Variants in GNAL observed in about 807,000 individuals in gnomAD.
GNAL encodes guanine nucleotide-binding protein G(olf) subunit alpha.
Under a neutral mutation model 55.1 loss-of-function variants are expected in GNAL, and 18 were observed. The observed-to-expected ratio is 0.33, with a 90% CI of 0.23 to 0.48. The LOEUF (loss-of-function observed/expected upper bound fraction) is 0.48. Ranked by LOEUF, GNAL falls within the 20% of genes least tolerant of loss-of-function variation. The pLI is 0.99. For missense variants in GNAL, 412 were observed against 614.1 expected (o/e 0.67, Z 3.48); for synonymous variants, 253 against 237.0 (o/e 1.07, Z -0.62).
intron 5 of GNAL, among the ~76,000 whole-genome samples, chr18:11,839,212 C>G (rs2035560278): frequency 1.3e-5 from 2 of 152,054 alleles, no homozygotes; most frequent in South Asian, 4.1e-4. Context: ...TTTTTCTGCT[C>G]TCTCTACCAT....
chr18:11,737,769 G>A (rs563078014), intron 1 of GNAL, among the ~76,000 whole-genome samples: 69 of 152,352 alleles, frequency 4.5e-4, no homozygotes, highest in Admixed American at 2.0e-3. Context: ...CAGCCCAGAG[G>A]AAGGGAACCA....
In GNAL at chr18:11,689,679, C is replaced by A. The variant is rs1598394807; in HGVS notation, c.116C>A (p.Ala39Asp). The change falls in exon 1 of 12, where the codon GCC becomes GAC. Residue 39 changes from alanine (A) to aspartate (D), a missense_variant. By Grantham distance (126) the Ala-to-Asp change is moderately radical. Transcript: ENST00000334049. Reference protein sequence around the residue: ...DAQPAPAPALAPVRAAARDTA... With the variant: ...DAQPAPAPALDPVRAAARDTA... ...CAGCCCGCCCCGGCCCCGGCCCTGGCCCCAGTCCGGGCGGCCGCAAGGGAC... is the reference window on the plus strand; with the variant it reads ...CAGCCCGCCCCGGCCCCGGCCCTGGACCCAGTCCGGGCGGCCGCAAGGGAC... The A allele has an allele frequency of 6.8e-7, 1 of 1,463,560 alleles. No homozygotes were observed. The highest frequency in any genetic ancestry group is 3.0e-5 in the East Asian group (1 of 33,282). 90.7% of individuals were successfully genotyped at this position (1,463,560 alleles called of 1,614,324 possible).
In GNAL at chr18:11,881,255, C is replaced by G; in HGVS notation, c.*120C>G. On this transcript the variant is annotated 3_prime_UTR_variant, in exon 12 of 12. Coordinates refer to ENST00000334049, the MANE Select transcript of GNAL (RefSeq NM_182978.4). This position sits in a 1 kb window ranked among gnomAD's most constrained non-coding sequence, Gnocchi z 4.8. ...CGCTGCCGTCTGTCCCGTTCTGTGTCGACCACCAAGCCTCTGGCTACCTCT... is the reference window on the plus strand; with the variant it reads ...CGCTGCCGTCTGTCCCGTTCTGTGTGGACCACCAAGCCTCTGGCTACCTCT... The G allele has an allele frequency of 1.9e-6, 2 of 1,026,924 alleles. No individual in the cohort carries two copies. Among genetic ancestry groups the G allele is most frequent in the South Asian group, 1.7e-5 (1 of 60,442 alleles). 63.6% of individuals were successfully genotyped at this position (1,026,924 alleles called of 1,614,324 possible). A position where few individuals can be genotyped will look rare whatever the true frequency, so the allele number is the denominator to read the frequency against.
chr18:11,729,537 T>C (rs1415195215), intron 1 of GNAL, among the ~76,000 whole-genome samples: 1 of 152,222 alleles, frequency 6.6e-6, no homozygotes, highest in Non-Finnish European at 1.5e-5. Context: ...TCCTTAAGTT[T>C]CCACTCGTTT....
chr18:11,692,133 G>A (rs1014605194), intron 1 of GNAL, among the ~76,000 whole-genome samples: 3 of 152,152 alleles, frequency 2.0e-5, no homozygotes, highest in Non-Finnish European at 4.4e-5. Context: ...AGTTGTTCAG[G>A]TCTGTGCTCT....
chr18:11,768,851 G>A (rs1168268091), intron 4 of GNAL, among the ~76,000 whole-genome samples: 2 of 143,054 alleles, frequency 1.4e-5, no homozygotes, highest in South Asian at 2.2e-4. Flanking sequence ...CCGAGATCAC[G>A]CCACTGCACT....
chr18:11,875,642 T>C (rs1414974239), intron 10 of GNAL, among the ~76,000 whole-genome samples: 1 of 152,166 alleles, frequency 6.6e-6, no homozygotes, highest in Non-Finnish European at 1.5e-5. Context: ...TCTTCTGCCA[T>C]GATTGGAAGC....
At chr18:11,830,919 A>G (rs59455765) in intron 5 of GNAL, among the ~76,000 whole-genome samples, 9,469 of 152,284 alleles carry the variant, frequency 0.062, 437 homozygotes, top group African/African-American at 0.12. Flanking sequence ...TGAAATGACC[A>G]GAATAGGTAA....
At chr18:11,793,274 A>G (rs911426655) in intron 4 of GNAL, among the ~76,000 whole-genome samples, 4 of 152,248 alleles carry the variant, frequency 2.6e-5, no homozygotes, top group African/African-American at 9.6e-5. Flanking sequence ...TCTAGTAACC[A>G]GAATATATAA....
At chr18:11,753,529 C>CT in intron 2 of GNAL, 99 bp from the exon 3 acceptor site, 1 of 778,766 alleles carries the variant, frequency 1.3e-6, no homozygotes, top group Non-Finnish European at 2.2e-6. Flanking sequence ...TGAAACCAGT[C>CT]TAGGTCAGTG....
chr18:11,782,001 T>G (rs1159585047), intron 4 of GNAL, among the ~76,000 whole-genome samples: 1 of 152,160 alleles, frequency 6.6e-6, no homozygotes, highest in Non-Finnish European at 1.5e-5. Flanking sequence ...ATGTGGAATA[T>G]CCACACAATA....
At chr18:11,803,689 G>A (rs1040440290) in intron 4 of GNAL, among the ~76,000 whole-genome samples, 4 of 151,706 alleles carry the variant, frequency 2.6e-5, no homozygotes, top group African/African-American at 9.7e-5. Flanking sequence ...GGAACACGGA[G>A]ATATTGTGTA....
chr18:11,818,228 C>T (rs2035008961), intron 4 of GNAL, among the ~76,000 whole-genome samples: 1 of 152,084 alleles, frequency 6.6e-6, no homozygotes, highest in African/African-American at 2.4e-5. Context: ...TTATACATAA[C>T]AAAATCATAG....
chr18:11,738,541 G>A lies in GNAL; in HGVS notation c.377-14312G>A, dbSNP rs555793594. Among the ~76,000 whole-genome samples, 43 of 152,118 alleles carry A rather than the reference G, an allele frequency of 2.8e-4. 1 individual carries two copies. Among genetic ancestry groups the A allele is most frequent in the Admixed American group, 2.6e-4 (4 of 15,270 alleles). On this transcript the variant is annotated intron_variant, in intron 1 of 11. Coordinates refer to ENST00000334049, the MANE Select transcript of GNAL (RefSeq NM_182978.4). ...CAGCTCACTGCAACCTCCACTTCCCGGATTCAAGCAATTCTCCTGCCTCAG... is the reference window on the plus strand; with the variant it reads ...CAGCTCACTGCAACCTCCACTTCCCAGATTCAAGCAATTCTCCTGCCTCAG...
At chr18:11,811,140 G>A (rs1354226003) in intron 4 of GNAL, among the ~76,000 whole-genome samples, 1 of 152,030 alleles carries the variant, frequency 6.6e-6, no homozygotes, top group Non-Finnish European at 1.5e-5. Context: ...AAGCCACAAC[G>A]CCACATTCCT....
intron 4 of GNAL, among the ~76,000 whole-genome samples, chr18:11,771,920 C>A (rs1028511221): frequency 6.6e-6 from 1 of 151,974 alleles, no homozygotes; most frequent in African/African-American, 2.4e-5. Flanking sequence ...CAGGTTTCGC[C>A]ATGTTGGCCA....
At chr18:11,813,782 A>G (rs555985435) in intron 4 of GNAL, among the ~76,000 whole-genome samples, 1 of 152,236 alleles carries the variant, frequency 6.6e-6, no homozygotes, top group African/African-American at 2.4e-5. Context: ...GGAGGCTGAC[A>G]TGGGAGGGTG....
In GNAL at chr18:11,852,174, A is replaced by G. The variant is rs572395325; in HGVS notation, c.723-10221A>G. The G allele has an allele frequency of 6.1e-6, 9 of 1,483,502 alleles. No individual in the cohort carries two copies. In the East Asian group the frequency reaches 1.7e-4, roughly 28 times the overall value. 91.9% of individuals were successfully genotyped at this position (1,483,502 alleles called of 1,614,324 possible). ...CCCTTTGAAATGCTCTCTGTGTGTT[A>G]GAGAGATACTATACCCTAGAAACTC... On this transcript the variant is annotated intron_variant, in intron 5 of 11. Transcript: ENST00000334049.
rs560386260 is a variant in GNAL, at chr18:11,852,406, A to G, written c.723-9989A>G. ...TTCTCGAAGATCTGGTCAAAACTGT[A>G]TTCAGTTTCCTGCCCAGAATGATCA... On this transcript the variant is annotated intron_variant, in intron 5 of 11. Coordinates refer to ENST00000334049, the MANE Select transcript of GNAL (RefSeq NM_182978.4). 11 of 357,300 alleles carry G rather than the reference A, an allele frequency of 3.1e-5. No individual in the cohort carries two copies. In the East Asian group the frequency reaches 6.1e-4, roughly 20 times the overall value. 22.1% of individuals were successfully genotyped at this position (357,300 alleles called of 1,614,324 possible).
Sources: gnomAD v4.1 joint callset for allele counts (sites outside exome capture counted in the v4.1 genomes callset) on GRCh38, gnomAD v4.1.1 for gene constraint, Gnocchi (gnomAD v3.1) non-coding constraint, MANE v1.5 for transcripts, NCBI Gene and HGNC (gene_info 2026-07-23, HGNC 2026-07-21) for gene names.